Variants in OPCML observed in about 807,000 individuals in gnomAD.
OPCML encodes opioid-binding protein/cell adhesion molecule.
A neutral mutation model predicts 37.8 loss-of-function variants in OPCML; 13 were observed. That is an observed-to-expected ratio of 0.34 (90% CI 0.22 to 0.55). The LOEUF (loss-of-function observed/expected upper bound fraction) is 0.55. Among genes scored for constraint, OPCML ranks in the 20% least tolerant of loss-of-function variants. The pLI is 0.91. For synonymous variants in OPCML, 176 were observed against 168.8 expected (o/e 1.04, Z -0.33); for missense variants, 341 against 435.6 (o/e 0.78, Z 1.93).
At chr11:132,437,632 A>G (rs1262159505) in intron 4 of OPCML, among the ~76,000 whole-genome samples, 1 of 152,214 alleles carries the variant, frequency 6.6e-6, no homozygotes, top group Non-Finnish European at 1.5e-5. Context: ...TTTTTCTTAT[A>G]TGATTATTGT....
intron 1 of OPCML, among the ~76,000 whole-genome samples, chr11:133,075,890 T>C (rs1565433700): frequency 6.6e-6 from 1 of 152,198 alleles, no homozygotes; most frequent in Non-Finnish European, 1.5e-5. Context: ...CAAATTCCAG[T>C]CAGCCTGTAT....
chr11:132,610,390 C>T (rs1198463001), intron 3 of OPCML, among the ~76,000 whole-genome samples: 1 of 152,194 alleles, frequency 6.6e-6, no homozygotes, highest in Non-Finnish European at 1.5e-5. Context: ...ATCAGTTTGA[C>T]CCTTCAGCAG....
intron 1 of OPCML, among the ~76,000 whole-genome samples, chr11:133,296,357 C>G (rs368596775): frequency 3.3e-5 from 5 of 152,134 alleles, no homozygotes; most frequent in Non-Finnish European, 7.3e-5. Flanking sequence ...TCATTGTCAG[C>G]CCATGATTTG....
intron 3 of OPCML, among the ~76,000 whole-genome samples, chr11:132,652,203 A>C (rs1941460303): frequency 6.6e-6 from 1 of 152,124 alleles, no homozygotes; most frequent in Non-Finnish European, 1.5e-5. Context: ...CTAGAAAATT[A>C]ATTATCCTCT....
intron 1 of OPCML, among the ~76,000 whole-genome samples, chr11:133,493,239 A>C (rs1400303283): frequency 6.6e-6 from 1 of 152,230 alleles, no homozygotes; most frequent in Non-Finnish European, 1.5e-5. Flanking sequence ...CAGCCTGCTT[A>C]AGCCTGGAGC....
chr11:132,822,902 T>A (rs995867246), intron 2 of OPCML, among the ~76,000 whole-genome samples: 4 of 152,132 alleles, frequency 2.6e-5, no homozygotes, highest in Admixed American at 6.5e-5. Context: ...AAGTCTCAAT[T>A]ACCTCATTTG....
chr11:132,426,618 G>A (rs925281199), intron 7 of OPCML, among the ~76,000 whole-genome samples: 2 of 152,176 alleles, frequency 1.3e-5, no homozygotes, highest in Non-Finnish European at 2.9e-5. Context: ...TTTTTGTAGA[G>A]ATGGGGTTTC....
intron 3 of OPCML, among the ~76,000 whole-genome samples, chr11:132,627,030 C>T (rs947375329): frequency 1.3e-5 from 2 of 151,798 alleles, no homozygotes; most frequent in African/African-American, 4.8e-5. Flanking sequence ...AAGTATAAAT[C>T]TAGAAAGATA....
chr11:132,528,295 T>C (rs2096314090), intron 4 of OPCML, among the ~76,000 whole-genome samples: 1 of 152,046 alleles, frequency 6.6e-6, no homozygotes. Context: ...CCTGCTTACT[T>C]GGTTTCATGT....
chr11:132,722,073 A>G (rs1459379149), intron 2 of OPCML, among the ~76,000 whole-genome samples: 3 of 144,396 alleles, frequency 2.1e-5, no homozygotes, highest in African/African-American at 7.8e-5. Flanking sequence ...CTCCTGCCTC[A>G]GCCTCCCGAG....
intron 1 of OPCML, among the ~76,000 whole-genome samples, chr11:133,332,746 A>G (rs755789054): frequency 1.3e-5 from 2 of 152,152 alleles, no homozygotes; most frequent in South Asian, 4.1e-4. Flanking sequence ...TGTTTATCTG[A>G]TGAATCACAT....
At chr11:132,424,343 AC>A (rs1344597394) in intron 7 of OPCML, among the ~76,000 whole-genome samples, 3 of 151,898 alleles carry the variant, frequency 2.0e-5, no homozygotes, top group African/African-American at 7.2e-5. Flanking sequence ...ATGTTCTCGA[AC>A]TCCTGACCTC....
At chr11:133,425,157 C>T (rs1945975924) in intron 1 of OPCML, among the ~76,000 whole-genome samples, 1 of 152,208 alleles carries the variant, frequency 6.6e-6, no homozygotes, top group East Asian at 1.9e-4. Context: ...CACCTGAGTT[C>T]ACCAGTCCTG....
chr11:133,157,772 T>A (rs1489756357), intron 1 of OPCML, among the ~76,000 whole-genome samples: 1 of 152,194 alleles, frequency 6.6e-6, no homozygotes, highest in Non-Finnish European at 1.5e-5. Flanking sequence ...ATTGTCCAAT[T>A]TTGGTGTGTC....
At chr11:133,305,134 A>G (rs1025589413) in intron 1 of OPCML, among the ~76,000 whole-genome samples, 1 of 152,200 alleles carries the variant, frequency 6.6e-6, no homozygotes, top group Non-Finnish European at 1.5e-5. Context: ...TCAAAGGAGA[A>G]AAAAAACCTT....
intron 2 of OPCML, among the ~76,000 whole-genome samples, chr11:132,903,765 C>T (rs1462885907): frequency 7.2e-5 from 11 of 152,150 alleles, no homozygotes; most frequent in African/African-American, 1.4e-4. Flanking sequence ...CAGGAAACAC[C>T]GTTGGGAATG....
intron 1 of OPCML, among the ~76,000 whole-genome samples, chr11:133,227,019 A>C (rs1940066886): frequency 6.6e-6 from 1 of 152,208 alleles, no homozygotes; most frequent in African/African-American, 2.4e-5. Context: ...TGAGGAAAAG[A>C]ATTTGCCTCG....
intron 1 of OPCML, among the ~76,000 whole-genome samples, chr11:133,330,806 G>C (rs1473537885): frequency 1.3e-5 from 2 of 152,110 alleles, no homozygotes; most frequent in Non-Finnish European, 2.9e-5. Context: ...TGCACGTTGT[G>C]CACATGTACC....
intron 4 of OPCML, among the ~76,000 whole-genome samples, chr11:132,448,609 C>G (rs1164388786): frequency 6.6e-6 from 1 of 152,216 alleles, no homozygotes; most frequent in Non-Finnish European, 1.5e-5. Context: ...CTATTCTAGG[C>G]AAGTCTGTCT....
Sources: gnomAD v4.1 joint callset for allele counts (sites outside exome capture counted in the v4.1 genomes callset) on GRCh38, gnomAD v4.1.1 for gene constraint, MANE v1.5 for transcripts, NCBI Gene and HGNC (gene_info 2026-07-23, HGNC 2026-07-21) for gene names.